The following SLC14A2 variants were observed in gnomAD, a reference collection of about 807,000 sequenced individuals.
The protein encoded by SLC14A2 is solute carrier family 14 member 2.
Under a neutral mutation model 104.6 loss-of-function variants are expected in SLC14A2, and 91 were observed. The ratio of observed to expected loss-of-function variants is 0.87; its 90% CI spans 0.73 to 1.04. The LOEUF is 1.04. Among genes scored for constraint, SLC14A2 ranks in the 50% least tolerant of loss-of-function variants. The pLI is 0.00. For missense variants in SLC14A2, 1,189 were observed against 1,156.0 expected, an observed-to-expected ratio of 1.03 and a Z score of -0.41; for synonymous variants, 476 against 466.4, an observed-to-expected ratio of 1.02 and a Z score of -0.27.
chr18:45,430,983 A>T (rs1261422266), intron 1 of SLC14A2, among the ~76,000 whole-genome samples: 1 of 152,146 alleles, frequency 6.6e-6, no homozygotes, highest in Non-Finnish European at 1.5e-5. Context: ...GACTTTTTAG[A>T]GGAGAAGGAA....
chr18:45,236,150 T>C lies in SLC14A2; in HGVS notation c.-125+22959T>C, dbSNP rs1233788812. Among the ~76,000 whole-genome samples, 22 of 61,640 alleles carry C rather than the reference T, an allele frequency of 3.6e-4. 3 individuals are homozygous for C. Among genetic ancestry groups the C allele is most frequent in the Non-Finnish European group, 5.2e-4 (18 of 34,900 alleles). 40.4% of individuals were successfully genotyped at this position (61,640 alleles called of 152,430 possible). ...GTGTGTATATATGTATATATACATA[T>C]ATGTGTGTATATATGTGTATATATA... On this transcript the variant is annotated intron_variant, in intron 1 of 20. Coordinates refer to the SLC14A2 transcript ENST00000586448.
At chr18:45,192,634 G>GTTTTTTTTTTTT in the SLC14A2 span, among the ~76,000 whole-genome samples, 5 of 112,530 alleles carry the variant, frequency 4.4e-5, no homozygotes, top group South Asian at 3.0e-4. Context: ...GTGTGTGTGT[G>GTTTTTTTTTTTT]TGGTTTTTTT....
intron 1 of SLC14A2, among the ~76,000 whole-genome samples, chr18:45,265,476 C>T (rs1278004655): frequency 6.6e-6 from 1 of 152,160 alleles, no homozygotes; most frequent in Non-Finnish European, 1.5e-5. Context: ...TTATCTGGTT[C>T]TATAACACAT....
At chr18:45,297,064 G>A (rs909234544) in intron 1 of SLC14A2, among the ~76,000 whole-genome samples, 2 of 152,116 alleles carry the variant, frequency 1.3e-5, no homozygotes, top group Non-Finnish European at 2.9e-5. Flanking sequence ...GTACAATGCT[G>A]GAAGAAGGAA....
chr18:45,421,578 A>G (rs998515450), intron 1 of SLC14A2, among the ~76,000 whole-genome samples: 4 of 152,140 alleles, frequency 2.6e-5, no homozygotes, highest in African/African-American at 9.7e-5. Context: ...TTTGGTCCGT[A>G]TTTTTACTTA....
chr18:45,525,090 G>A (rs892185080), intron 2 of SLC14A2, among the ~76,000 whole-genome samples: 5 of 151,656 alleles, frequency 3.3e-5, no homozygotes, highest in Non-Finnish European at 5.9e-5. Context: ...GATACCTCTT[G>A]GGGGTAATTC....
At chr18:45,610,601 C>G (rs2044957203), upstream of SLC14A2, among the ~76,000 whole-genome samples, 1 of 152,170 alleles carries the variant, frequency 6.6e-6, no homozygotes, top group South Asian at 2.1e-4. Flanking sequence ...AGAAACAAGG[C>G]TGTAACTGAA....
upstream of SLC14A2, among the ~76,000 whole-genome samples, chr18:45,610,566 C>G (rs1482940438): frequency 2.6e-5 from 4 of 152,098 alleles, no homozygotes; most frequent in African/African-American, 9.7e-5. Context: ...AACACTGAAG[C>G]TGAAAGGGAA....
At chr18:45,316,459 A>G (rs1385437174) in intron 1 of SLC14A2, among the ~76,000 whole-genome samples, 6 of 152,242 alleles carry the variant, frequency 3.9e-5, no homozygotes, top group Non-Finnish European at 5.9e-5. Flanking sequence ...CATTTGTTTC[A>G]GTAAATGCAT....
chr18:45,283,248 A>T (rs1323225852), intron 1 of SLC14A2, among the ~76,000 whole-genome samples: 2 of 149,022 alleles, frequency 1.3e-5, no homozygotes, highest in Non-Finnish European at 3.0e-5. Flanking sequence ...CTAATTGATA[A>T]AAGTGGAAGC....
At chr18:45,302,089 T>C (rs2084973974) in intron 1 of SLC14A2, among the ~76,000 whole-genome samples, 1 of 152,212 alleles carries the variant, frequency 6.6e-6, no homozygotes, top group Admixed American at 6.5e-5. Context: ...ATCATCTGTG[T>C]TGAAGTCTCC....
intron 2 of SLC14A2, among the ~76,000 whole-genome samples, chr18:45,625,062 T>C (rs2045237531): frequency 6.6e-6 from 1 of 152,142 alleles, no homozygotes; most frequent in African/African-American, 2.4e-5. Flanking sequence ...GTCTCTAAAA[T>C]CTTTCCCCTT....
intron 1 of SLC14A2, among the ~76,000 whole-genome samples, chr18:45,217,828 T>G (rs986988155): frequency 6.6e-6 from 1 of 152,212 alleles, no homozygotes; most frequent in African/African-American, 2.4e-5. Flanking sequence ...CTCTTAGCTT[T>G]CCATTTCAAA....
chr18:45,253,770 T>C (rs1237355577), intron 1 of SLC14A2, among the ~76,000 whole-genome samples: 2 of 152,256 alleles, frequency 1.3e-5, no homozygotes, highest in Non-Finnish European at 2.9e-5. Context: ...TTTGTGAACT[T>C]ATTAAAGTGA....
In SLC14A2 at chr18:45,471,689, G is replaced by A. The variant is rs146816866; in HGVS notation, c.-124-11544G>A. Among the ~76,000 whole-genome samples, 121 of 151,714 alleles carry A rather than the reference G, an allele frequency of 8.0e-4. 1 individual carries two copies. In the East Asian group the frequency reaches 0.02, roughly 25 times the overall value. ...GTGTCTTGAGCAGTTTCTTTTCACC[G>A]TCTTGTTGCTGCTGATGGGTCCCTA... On this transcript the variant is annotated intron_variant, in intron 1 of 20. Transcript: ENST00000586448.
chr18:45,586,809 C>A (rs2044572365), intron 2 of SLC14A2, among the ~76,000 whole-genome samples: 1 of 152,032 alleles, frequency 6.6e-6, no homozygotes, highest in Non-Finnish European at 1.5e-5. Context: ...CAGACCACAC[C>A]CTTCCCAAGG....
At chr18:45,376,787 C>T (rs2085779594) in intron 1 of SLC14A2, among the ~76,000 whole-genome samples, 1 of 152,118 alleles carries the variant, frequency 6.6e-6, no homozygotes, top group African/African-American at 2.4e-5. Context: ...GAAATGGCAA[C>T]CTCTGGAGCT....
intron 19 of SLC14A2, among the ~76,000 whole-genome samples, chr18:45,680,314 C>T (rs1211161290): frequency 6.6e-6 from 1 of 152,188 alleles, no homozygotes; most frequent in Non-Finnish European, 1.5e-5. Flanking sequence ...GATGACTGGC[C>T]TTTCTCTCTG....
rs148721268 is a variant in SLC14A2, at chr18:45,624,669, C to A, written c.5C>A (p.Ser2Tyr). 5 of 1,609,914 alleles carry A rather than the reference C, an allele frequency of 3.1e-6. No individual in the cohort carries two copies. Among genetic ancestry groups the A allele is most frequent in the Non-Finnish European group, 2.5e-6 (3 of 1,177,996 alleles). The change falls in exon 2 of 20, where the codon TCT becomes TAT. Residue 2 changes from serine to tyrosine, a missense_variant. Ser to Tyr is a moderately radical substitution (Grantham distance 144). Coordinates refer to ENST00000255226, the MANE Select transcript of SLC14A2 (RefSeq NM_007163.4). The part of the protein sequence containing the change: M[S>Y]DPHSSPLLPE... ...GAGTGGCTGTGACCCGAAGGAATGT[C>A]TGACCCCCACAGCAGTCCTCTCCTG...
Sources: gnomAD v4.1 joint callset for allele counts (sites outside exome capture counted in the v4.1 genomes callset) on GRCh38, gnomAD v4.1.1 for gene constraint, MANE v1.5 for transcripts, NCBI Gene and HGNC (gene_info 2026-07-23, HGNC 2026-07-21) for gene names.